Variants in CCDC40 observed in about 807,000 individuals in gnomAD.
The protein encoded by CCDC40 is coiled-coil domain-containing protein 40.
A neutral mutation model predicts 124.5 loss-of-function variants in CCDC40; 104 were observed. The observed-to-expected ratio is 0.84, with a 90% CI of 0.71 to 0.98. CCDC40 has a LOEUF of 0.98. Among genes scored for constraint, CCDC40 ranks in the 50% least tolerant of loss-of-function variants. The probability of loss-of-function intolerance (pLI) is 0.00; values close to 1 mark genes in which losing one functional copy is unlikely to be tolerated. For missense variants in CCDC40, 1,463 were observed against 1,503.9 expected (o/e 0.97, Z 0.45); for synonymous variants, 580 against 602.9 (o/e 0.96, Z 0.56).
rs1748498211 is a variant in CCDC40 at position 80,086,968 on chromosome 17, GA to G, written c.2450-636del. ...TCGGTGTCCCAAGGCAAGAGCTGCC[GA>G]AATACCATGCTGTGAGATGGGGAGG... On this transcript the variant is annotated intron_variant, in intron 14 of 19. Transcript: ENST00000397545. This position sits in a 1 kb window ranked among gnomAD's most constrained non-coding sequence, Gnocchi z 5.5. The G allele has an allele frequency of 6.0e-6, 1 of 166,580 alleles. No homozygotes were observed. Among genetic ancestry groups the G allele is most frequent in the African/African-American group, 2.4e-5 (1 of 41,640 alleles). The allele number at this position is 166,580 out of a possible 1,614,324, so 10.3% of individuals were successfully genotyped here.
chr17:80,071,029 C>T (rs1415378979), intron 10 of CCDC40, among the ~76,000 whole-genome samples: 2 of 152,212 alleles, frequency 1.3e-5, no homozygotes, highest in Admixed American at 6.5e-5. Flanking sequence ...CGCAGCGGTC[C>T]AGGCAATCCA....
At chr17:80,098,509 C>T (rs552873904) in intron 19 of CCDC40, among the ~76,000 whole-genome samples, 2 of 152,214 alleles carry the variant, frequency 1.3e-5, no homozygotes, top group Non-Finnish European at 2.9e-5. Flanking sequence ...CAACATCGCC[C>T]GATGGGATTC....
intron 5 of CCDC40, among the ~76,000 whole-genome samples, chr17:80,049,407 CT>C (rs1222725731): frequency 2.7e-4 from 29 of 108,598 alleles, no homozygotes; most frequent in African/African-American, 9.1e-4. Context: ...GAAACTCTGT[CT>C]CAAAAAAAAA....
At position 80,056,005 on chromosome 17, in the gene CCDC40, TATATA is replaced by T. The variant is rs1276909194; in HGVS notation, c.1160-2488_1160-2484del. ...TCATATATATATATATATATATATATATATATATATATTTTTTTTTTTTTTTGGTA... is the reference window on the plus strand; with the variant it reads ...TCATATATATATATATATATATATATTATATATTTTTTTTTTTTTTTGGTA... On this transcript the variant is annotated intron_variant, in intron 7 of 19. Coordinates refer to ENST00000397545, the MANE Select transcript of CCDC40 (RefSeq NM_017950.4). Among the ~76,000 whole-genome samples, 25 of 28,502 alleles carry T rather than the reference TATATA, an allele frequency of 8.8e-4. 1 individual carries two copies. The highest frequency in any genetic ancestry group is 2.6e-3 in the African/African-American group (24 of 9,198). 18.7% of individuals were successfully genotyped at this position (28,502 alleles called of 152,430 possible). A position where few individuals can be genotyped will look rare whatever the true frequency, so the allele number is the denominator to read the frequency against.
intron 2 of CCDC40, among the ~76,000 whole-genome samples, chr17:80,038,718 G>C (rs1025658776): frequency 6.6e-6 from 1 of 152,056 alleles, no homozygotes; most frequent in Non-Finnish European, 1.5e-5. Flanking sequence ...CCAGCTACTC[G>C]GGAGGCTGAG....
Position 80,049,906 on chromosome 17 carries a change from C to A in CCDC40, c.856C>A (p.Pro286Thr), listed in dbSNP as rs1313722298. 6.2e-7 allele frequency: 1 copy of A among 1,613,756 alleles called. No individual in the cohort carries two copies. The highest frequency in any genetic ancestry group is 8.5e-7 in the Non-Finnish European group (1 of 1,179,720). Residue 286 changes from proline to threonine, a missense_variant and splice_region_variant, in exon 6 of 20, where the codon CCC becomes ACC. Pro to Thr is a conservative substitution (Grantham distance 38, BLOSUM62 -1). Coordinates refer to ENST00000397545, the MANE Select transcript of CCDC40 (RefSeq NM_017950.4). The stretch of plus-strand genomic sequence containing the variant: ...CACCTGTGGTTTTCCATTGTTCTAG[C>A]CCCTGATGGTAAGATTCCAGGCTGC... The part of the protein sequence containing the change: ...SQLVVLDPDH[P>T]LMVRFQAALK...
In CCDC40 at chr17:80,084,832, G is replaced by A. The variant is rs1179097772; in HGVS notation, c.2079G>A (p.Lys693=). ...HTSSRLDAHQ[K]TLVELDQDVK... ...GCAGCAGGCTGGACGCACACCAGAA[G>A]ACCCTGGTGGAGCTGGACCAGGACG... The change falls in exon 13 of 20, where the codon AAG becomes AAA. Residue 693 remains lysine (K), a synonymous_variant. Coordinates refer to ENST00000397545, the MANE Select transcript of CCDC40 (RefSeq NM_017950.4). 1.9e-6 allele frequency: 3 copies of A among 1,614,044 alleles called. No individual in the cohort carries two copies. Among genetic ancestry groups the A allele is most frequent in the Admixed American group, 1.7e-5 (1 of 60,010 alleles).
chr17:80,039,338 G>A (rs2037211650), intron 2 of CCDC40, among the ~76,000 whole-genome samples: 1 of 151,634 alleles, frequency 6.6e-6, no homozygotes, highest in South Asian at 2.1e-4. Flanking sequence ...CCGCACTCCA[G>A]CCTGGGCAGC....
intron 10 of CCDC40, chr17:80,067,568 A>G (rs1321167766): frequency 2.6e-6 from 4 of 1,535,238 alleles, no homozygotes; most frequent in South Asian, 1.2e-5. Context: ...TTTCTACCAC[A>G]TGGCATTCCG....
intron 2 of CCDC40, among the ~76,000 whole-genome samples, chr17:80,039,469 T>C (rs144372618): frequency 0.058 from 8,718 of 151,510 alleles, 792 homozygotes; most frequent in African/African-American, 0.2. Flanking sequence ...TGAAGTTCAG[T>C]GGCACGATCT....
At chr17:80,097,519 T>A in intron 19 of CCDC40, 116 bp downstream of exon 19, 3 of 1,075,550 alleles carry the variant, frequency 2.8e-6, no homozygotes, top group Non-Finnish European at 4.1e-6. Context: ...TCACGGCCTC[T>A]CCTGATCCCA....
rs576898319 is a variant in CCDC40, at chr17:80,067,871, T to C, written c.1562+2265T>C. On this transcript the variant is annotated intron_variant, in intron 10 of 19. Transcript: ENST00000397545. ...CAATCCGATTGATGAAGAAAATAGA[T>C]AATCTTGTTTTATAAAACGTGCATG... 4.3e-4 allele frequency: 602 copies of C among 1,387,728 alleles called. No individual in the cohort carries two copies. In the African/African-American group the frequency reaches 7.5e-3, roughly 17 times the overall value. The allele number at this position is 1,387,728 out of a possible 1,614,324, so 86.0% of individuals were successfully genotyped here.
At chr17:80,080,183 G>A (rs2038413661) in intron 10 of CCDC40, among the ~76,000 whole-genome samples, 2 of 143,914 alleles carry the variant, frequency 1.4e-5, no homozygotes, top group Admixed American at 1.4e-4. Context: ...AACAGAGTGA[G>A]AGACTGTCTC....
At chr17:80,088,249 TTTG>T (rs1381434552) in intron 16 of CCDC40, 147 bp downstream of exon 16, 1 of 700,488 alleles carries the variant, frequency 1.4e-6, no homozygotes, top group Non-Finnish European at 2.6e-6. Context: ...TGTTTTGTTT[TTTG>T]TTTTGTTTTG....
At chr17:80,092,948 G>T (rs2143771070) in intron 17 of CCDC40, among the ~76,000 whole-genome samples, 1 of 152,300 alleles carries the variant, frequency 6.6e-6, no homozygotes, top group Non-Finnish European at 1.5e-5. Context: ...TGCAAGTTGT[G>T]GACTGGGGTT....
rs188729635 is a variant in CCDC40, at chr17:80,039,031, C to T, written c.94-781C>T. 5.3e-5 allele frequency among the ~76,000 whole-genome samples: 8 copies of T among 151,868 alleles called. No homozygotes were observed. In the East Asian group the frequency reaches 5.9e-4, roughly 11 times the overall value. ...CAACTTTGGGTTGCCCTGAGTTTTT[C>T]GGAACTCATTTCCTGTAACAAAGGA... On this transcript the variant is annotated intron_variant, in intron 2 of 19. Coordinates refer to ENST00000397545, the MANE Select transcript of CCDC40 (RefSeq NM_017950.4).
At chr17:80,075,105 G>A (rs1360210080) in intron 10 of CCDC40, among the ~76,000 whole-genome samples, 1 of 151,764 alleles carries the variant, frequency 6.6e-6, no homozygotes, top group Non-Finnish European at 1.5e-5. Flanking sequence ...TATATTTTTA[G>A]TAGAGATGGG....
chr17:80,057,887 AAG>A (rs1491201229), intron 7 of CCDC40, among the ~76,000 whole-genome samples: 1 of 151,778 alleles, frequency 6.6e-6, no homozygotes, highest in African/African-American at 2.4e-5. Flanking sequence ...AAAAAAAAAA[AAG>A]AAATCCATCT....
At position 80,058,793 on chromosome 17, in the gene CCDC40, G is replaced by T; in HGVS notation, c.1318-65G>T. 6.2e-7 allele frequency: 1 copy of T among 1,612,332 alleles called. No individual in the cohort carries two copies. Reference sequence around the variant, plus strand: ...GTGGCGTCAACTTGTATCAAGGGTTGGTGGAGAACAGGCCCTCAGCCACGG... The same window carrying T: ...GTGGCGTCAACTTGTATCAAGGGTTTGTGGAGAACAGGCCCTCAGCCACGG... On this transcript the variant is annotated intron_variant, in intron 8 of 19. Coordinates refer to ENST00000397545, the MANE Select transcript of CCDC40 (RefSeq NM_017950.4). The surrounding 1 kb of genome is among the most constrained non-coding windows in gnomAD (Gnocchi z 4.2).
Sources: allele counts gnomAD v4.1 joint callset (sites outside exome capture counted in the v4.1 genomes callset), GRCh38; gene constraint gnomAD v4.1.1; non-coding constraint Gnocchi (gnomAD v3.1); transcripts MANE v1.5; gene names NCBI Gene and HGNC (gene_info 2026-07-23, HGNC 2026-07-21).